TMEM178B: variants seen among roughly 807,000 people sequenced by gnomAD.
TMEM178B encodes the protein transmembrane protein 178B.
In TMEM178B, 5 loss-of-function variants were observed where a neutral mutation model predicts 31.0. The observed-to-expected ratio is 0.16, with a 90% CI of 0.08 to 0.34. The LOEUF is 0.34. Ranked by LOEUF, TMEM178B falls within the 10% of genes least tolerant of loss-of-function variation. The pLI is 1.00. For synonymous variants in TMEM178B, 164 were observed against 164.0 expected (o/e 1.00, Z 0.00); for missense variants, 275 against 400.3 (o/e 0.69, Z 2.67).
rs573653912 is a variant in TMEM178B, at chr7:141,421,522, C to T, written c.497-16086C>T. ...GACCACAGAGCACAGTGAATAAAAG[C>T]GTGGGCCTTGGTTGGAGTCAGACCA... On this transcript the variant is annotated intron_variant, in intron 2 of 3. Transcript: ENST00000565468. Among the ~76,000 whole-genome samples, 9 of 152,258 alleles carry T rather than the reference C, an allele frequency of 5.9e-5. No individual in the cohort carries two copies. In the East Asian group the frequency reaches 9.7e-4, roughly 16 times the overall value.
At chr7:141,145,779 T>C (rs1586794462) in intron 1 of TMEM178B, among the ~76,000 whole-genome samples, 1 of 152,148 alleles carries the variant, frequency 6.6e-6, no homozygotes, top group South Asian at 2.1e-4. Flanking sequence ...GGGCTGGGGG[T>C]GGCCATCTGC....
At chr7:141,196,164 G>A (rs1796780370) in intron 1 of TMEM178B, among the ~76,000 whole-genome samples, 1 of 151,916 alleles carries the variant, frequency 6.6e-6, no homozygotes, top group Admixed American at 6.6e-5. Context: ...CACACACACA[G>A]TTCTATTTCA....
intron 2 of TMEM178B, among the ~76,000 whole-genome samples, chr7:141,322,643 AG>A (rs747807661): frequency 5.7e-4 from 87 of 152,218 alleles, no homozygotes; most frequent in Non-Finnish European, 1.2e-3. Flanking sequence ...TCAGATGGAC[AG>A]GGGATATTCA....
chr7:141,355,860 C>T (rs939970198), intron 2 of TMEM178B, among the ~76,000 whole-genome samples: 2 of 152,198 alleles, frequency 1.3e-5, no homozygotes, highest in Non-Finnish European at 2.9e-5. Context: ...CCTTTCCCAA[C>T]TCCCTCTTTC....
At chr7:141,391,772 G>A (rs1007875924) in intron 2 of TMEM178B, among the ~76,000 whole-genome samples, 7 of 151,808 alleles carry the variant, frequency 4.6e-5, no homozygotes, top group Admixed American at 3.3e-4. Context: ...TCAGATACAC[G>A]GAATCACGCC....
chr7:141,265,959 C>T (rs1798089024), intron 2 of TMEM178B, among the ~76,000 whole-genome samples: 1 of 152,174 alleles, frequency 6.6e-6, no homozygotes, highest in Non-Finnish European at 1.5e-5. Flanking sequence ...CCTCATTCAT[C>T]AGCCTTGGAT....
At chr7:141,224,250 T>G (rs1169085421) in intron 2 of TMEM178B, among the ~76,000 whole-genome samples, 1 of 152,182 alleles carries the variant, frequency 6.6e-6, no homozygotes, top group African/African-American at 2.4e-5. Context: ...TTGGTTATGT[T>G]TCTATCAGCA....
chr7:141,504,051 T>C, the TMEM178B span, among the ~76,000 whole-genome samples: 5 of 152,222 alleles, frequency 3.3e-5, no homozygotes, highest in Admixed American at 6.5e-5. Flanking sequence ...AAAGACCTTA[T>C]AGGTCATTGA....
intron 2 of TMEM178B, among the ~76,000 whole-genome samples, chr7:141,260,704 G>A (rs1303772783): frequency 6.6e-6 from 1 of 152,158 alleles, no homozygotes; most frequent in Non-Finnish European, 1.5e-5. Flanking sequence ...TGGAGTGAAT[G>A]TTATGTAGGT....
chr7:141,197,530 G>A (rs1404524415), intron 1 of TMEM178B, among the ~76,000 whole-genome samples: 1 of 152,106 alleles, frequency 6.6e-6, no homozygotes, highest in Non-Finnish European at 1.5e-5. Context: ...ACTTAAACAC[G>A]GAAATAATCA....
At chr7:141,397,476 A>G (rs1365547226) in intron 2 of TMEM178B, among the ~76,000 whole-genome samples, 4 of 152,144 alleles carry the variant, frequency 2.6e-5, no homozygotes, top group East Asian at 1.9e-4. Context: ...AGAATGAGCC[A>G]TGGTCTGGAT....
intron 1 of TMEM178B, among the ~76,000 whole-genome samples, chr7:141,194,707 C>T (rs997622620): frequency 2.0e-5 from 3 of 152,204 alleles, no homozygotes; most frequent in Admixed American, 6.5e-5. Flanking sequence ...ACTAGGCGTG[C>T]CCCAGTAGAG....
chr7:141,248,457 AG>A (rs1269850951), intron 2 of TMEM178B, among the ~76,000 whole-genome samples: 2 of 152,204 alleles, frequency 1.3e-5, no homozygotes, highest in African/African-American at 4.8e-5. Context: ...ATACGTTCTG[AG>A]AAATGCATCA....
the TMEM178B span, among the ~76,000 whole-genome samples, chr7:141,508,975 C>T: frequency 6.6e-6 from 1 of 152,170 alleles, no homozygotes; most frequent in Non-Finnish European, 1.5e-5. Context: ...TTCTTAAGCT[C>T]GTGAGGTATT....
Position 141,074,734 on chromosome 7 carries a change from C to A in TMEM178B, c.382+42C>A. Reference sequence around the variant, plus strand: ...AGGCGTGGCGCTGCGGAGAGCCCGGCGCCTTTAGGCCCCGCAGCCCCTCGC... The same window carrying A: ...AGGCGTGGCGCTGCGGAGAGCCCGGAGCCTTTAGGCCCCGCAGCCCCTCGC... On this transcript the variant is annotated intron_variant, in intron 1 of 3. Coordinates refer to ENST00000565468, the MANE Select transcript of TMEM178B (RefSeq NM_001195278.2). The surrounding 1 kb of genome is among the most constrained non-coding windows in gnomAD (Gnocchi z 5.1). 1 of 1,440,940 alleles carries A rather than the reference C, an allele frequency of 6.9e-7. No individual in the cohort carries two copies. The highest frequency in any genetic ancestry group is 9.1e-7 in the Non-Finnish European group (1 of 1,102,828). The allele number at this position is 1,440,940 out of a possible 1,614,324, so 89.3% of individuals were successfully genotyped here. A position where few individuals can be genotyped will look rare whatever the true frequency, so the allele number is the denominator to read the frequency against.
chr7:141,255,285 C>T (rs1220082892), intron 2 of TMEM178B, among the ~76,000 whole-genome samples: 2 of 152,192 alleles, frequency 1.3e-5, no homozygotes, highest in Non-Finnish European at 2.9e-5. Flanking sequence ...TGAGAAACAG[C>T]TCAATTCAAG....
intron 2 of TMEM178B, among the ~76,000 whole-genome samples, chr7:141,215,056 G>A (rs1257403026): frequency 6.6e-6 from 1 of 152,150 alleles, no homozygotes; most frequent in Non-Finnish European, 1.5e-5. Flanking sequence ...GGTACTAAGT[G>A]TAATTGGGAA....
chr7:141,456,887 C>T lies in TMEM178B; in HGVS notation c.635-13649C>T, dbSNP rs73169572. Among the ~76,000 whole-genome samples, 1,237 of 152,278 alleles carry T rather than the reference C, an allele frequency of 8.1e-3. 9 individuals are homozygous for T. The highest frequency in any genetic ancestry group is 0.013 in the Non-Finnish European group (891 of 68,008). On this transcript the variant is annotated intron_variant, in intron 3 of 3. Coordinates refer to ENST00000565468, the MANE Select transcript of TMEM178B (RefSeq NM_001195278.2). ...CTCCTTACTGCACAGCTGTAGGTGC[C>T]ACTCTCAGTTTCGTTAAGAAGCCAG... is the stretch of plus-strand genomic sequence containing the variant.
chr7:141,451,441 C>G (rs1801860953), intron 3 of TMEM178B, among the ~76,000 whole-genome samples: 1 of 152,202 alleles, frequency 6.6e-6, no homozygotes, highest in Non-Finnish European at 1.5e-5. Context: ...GTACCTTGGA[C>G]AAGGTACTTG....
Sources: gnomAD v4.1 joint callset for allele counts (sites outside exome capture counted in the v4.1 genomes callset) on GRCh38, gnomAD v4.1.1 for gene constraint, Gnocchi (gnomAD v3.1) non-coding constraint, MANE v1.5 for transcripts, NCBI Gene and HGNC (gene_info 2026-07-23, HGNC 2026-07-21) for gene names.